CAP2: variants seen among roughly 807,000 people sequenced by gnomAD.
CAP2 encodes cyclase associated actin cytoskeleton regulatory protein 2, also known as adenylyl cyclase-associated protein 2.
In CAP2, 24 loss-of-function variants were observed where a neutral mutation model predicts 57.7. The ratio of observed to expected loss-of-function variants is 0.42; its 90% CI spans 0.30 to 0.58. The LOEUF is 0.58. Ranked by LOEUF, CAP2 falls within the 20% of genes least tolerant of loss-of-function variation. The probability of loss-of-function intolerance (pLI) is 0.22; values close to 1 mark genes in which losing one functional copy is unlikely to be tolerated. For synonymous variants in CAP2, 194 were observed against 207.2 expected, an observed-to-expected ratio of 0.94 and a Z score of 0.55; for missense variants, 501 against 590.3, an observed-to-expected ratio of 0.85 and a Z score of 1.57.
intron 3 of CAP2, among the ~76,000 whole-genome samples, chr6:17,447,899 G>A (rs951123729): frequency 4.6e-5 from 7 of 152,202 alleles, no homozygotes; most frequent in East Asian, 1.9e-4. Flanking sequence ...AGTTGAATTC[G>A]ATCCCAGGCC....
intron 12 of CAP2, 102 bp from the exon 13 acceptor site, chr6:17,556,257 A>T: frequency 2.5e-6 from 2 of 798,078 alleles, no homozygotes; most frequent in Middle Eastern, 2.3e-4. Flanking sequence ...TTTGCCTATC[A>T]TGTGGCACAA....
intron 3 of CAP2, among the ~76,000 whole-genome samples, chr6:17,436,506 G>C (rs1759892779): frequency 6.6e-6 from 1 of 152,116 alleles, no homozygotes; most frequent in African/African-American, 2.4e-5. Flanking sequence ...CAGGAAACAA[G>C]AAATCATAAA....
intron 3 of CAP2, among the ~76,000 whole-genome samples, chr6:17,442,564 A>G (rs1018679714): frequency 5.3e-5 from 8 of 152,080 alleles, no homozygotes; most frequent in African/African-American, 1.7e-4. Context: ...AATGCATGGC[A>G]TGTATCTACA....
intron 3 of CAP2, among the ~76,000 whole-genome samples, chr6:17,458,600 C>T (rs1437892094): frequency 6.6e-6 from 1 of 152,176 alleles, no homozygotes; most frequent in Non-Finnish European, 1.5e-5. Context: ...CCAGTTAACA[C>T]ATGTACCTTA....
In CAP2 at chr6:17,420,326, A is replaced by G. The variant is rs1052459507; in HGVS notation, c.-1-1229A>G. Among the ~76,000 whole-genome samples the G allele has an allele frequency of 2.0e-5, 3 of 152,266 alleles. No homozygotes were observed. The South Asian group carries it at 6.2e-4, about 31-fold the overall frequency. On this transcript the variant is annotated intron_variant, in intron 1 of 12. Coordinates refer to ENST00000229922, the MANE Select transcript of CAP2 (RefSeq NM_006366.3). The stretch of plus-strand genomic sequence containing the variant: ...TAACCAGAAGCCTTACAAAAGGAAA[A>G]TAACCATTTGTCATATTTTAAATTA...
At chr6:17,434,550 T>C (rs2113551501) in intron 3 of CAP2, among the ~76,000 whole-genome samples, 1 of 152,298 alleles carries the variant, frequency 6.6e-6, no homozygotes, top group Admixed American at 6.5e-5. Flanking sequence ...TTTGAGTAAA[T>C]GTTTGCATGG....
intron 3 of CAP2, among the ~76,000 whole-genome samples, chr6:17,442,658 G>C (rs375038164): frequency 2.0e-5 from 3 of 152,012 alleles, no homozygotes; most frequent in Admixed American, 6.5e-5. Context: ...GAGGCCAAGT[G>C]GGGGGAATTG....
intron 4 of CAP2, among the ~76,000 whole-genome samples, chr6:17,492,883 C>T (rs1761578231): frequency 6.6e-6 from 1 of 152,152 alleles, no homozygotes; most frequent in Non-Finnish European, 1.5e-5. Context: ...TTATGTATCG[C>T]AAGTCCCTAG....
intron 1 of CAP2, among the ~76,000 whole-genome samples, chr6:17,418,319 A>G (rs1467778721): frequency 1.3e-5 from 2 of 152,132 alleles, no homozygotes; most frequent in Admixed American, 6.5e-5. Context: ...CATCTCTCCA[A>G]CTTCCTTGCA....
At chr6:17,435,220 A>G (rs1236357279) in intron 3 of CAP2, among the ~76,000 whole-genome samples, 20 of 101,854 alleles carry the variant, frequency 2.0e-4, no homozygotes, top group Non-Finnish European at 3.5e-4. Flanking sequence ...TGCTATAAAG[A>G]CACATGCACA....
chr6:17,498,972 G>A (rs774158494), intron 4 of CAP2, among the ~76,000 whole-genome samples: 2 of 151,600 alleles, frequency 1.3e-5, no homozygotes, highest in South Asian at 2.1e-4. Flanking sequence ...CTCGTGATCC[G>A]CCCTCCTCGG....
intron 4 of CAP2, among the ~76,000 whole-genome samples, chr6:17,482,951 C>A (rs554352707): frequency 7.2e-5 from 11 of 152,362 alleles, no homozygotes; most frequent in Admixed American, 2.0e-4. Flanking sequence ...GTAATGCAGG[C>A]GTCATTTGGG....
At chr6:17,416,828 C>T (rs971323402) in intron 1 of CAP2, among the ~76,000 whole-genome samples, 1 of 152,210 alleles carries the variant, frequency 6.6e-6, no homozygotes, top group African/African-American at 2.4e-5. Context: ...TGCCATGGCT[C>T]ATGCCTATAA....
At chr6:17,406,171 G>T (rs1758962171) in intron 1 of CAP2, among the ~76,000 whole-genome samples, 1 of 152,028 alleles carries the variant, frequency 6.6e-6, no homozygotes, top group Non-Finnish European at 1.5e-5. Context: ...GTCTCTCTGG[G>T]ATTCTCGCCA....
intron 4 of CAP2, among the ~76,000 whole-genome samples, chr6:17,496,113 A>G (rs977846625): frequency 1.3e-5 from 2 of 151,448 alleles, no homozygotes; most frequent in South Asian, 4.2e-4. Context: ...TAAGTGAGAC[A>G]ACCAGAGAGG....
At chr6:17,408,418 G>A (rs1759045857) in intron 1 of CAP2, among the ~76,000 whole-genome samples, 1 of 152,026 alleles carries the variant, frequency 6.6e-6, no homozygotes, top group African/African-American at 2.4e-5. Flanking sequence ...TGTGAGAATG[G>A]CACCAAGCCA....
In CAP2 at chr6:17,492,275, C is replaced by T. The variant is rs199987272; in HGVS notation, c.301-14894C>T. ...TGGGGTGCATGTATTTTGATTTTAA[C>T]TTTGTATTTTGGGGTCACCAAAAAA... On this transcript the variant is annotated intron_variant, in intron 4 of 12. Transcript: ENST00000229922. 2.8e-4 allele frequency among the ~76,000 whole-genome samples: 42 copies of T among 152,104 alleles called. No homozygotes were observed. In the East Asian group the frequency reaches 7.3e-3, roughly 27 times the overall value.
chr6:17,471,605 G>A (rs1453403799), intron 4 of CAP2, among the ~76,000 whole-genome samples: 1 of 152,138 alleles, frequency 6.6e-6, no homozygotes, highest in Non-Finnish European at 1.5e-5. Context: ...GTCCGAGGCG[G>A]GCGGATCGCG....
At chr6:17,533,062 T>C (rs1341183741) in intron 7 of CAP2, among the ~76,000 whole-genome samples, 2 of 97,286 alleles carry the variant, frequency 2.1e-5, no homozygotes, top group Non-Finnish European at 3.7e-5. Flanking sequence ...CAAAACTCCA[T>C]CTCAACACCC....
Sources: allele counts gnomAD v4.1 joint callset (sites outside exome capture counted in the v4.1 genomes callset), GRCh38; gene constraint gnomAD v4.1.1; transcripts MANE v1.5; gene names NCBI Gene and HGNC (gene_info 2026-07-23, HGNC 2026-07-21).